The following DNM3 variants were observed in gnomAD, a reference collection of about 807,000 sequenced individuals.
DNM3 encodes the protein dynamin-3.
In DNM3, 47 loss-of-function variants were observed where a neutral mutation model predicts 101.6. That is an observed-to-expected ratio of 0.46 (90% CI 0.37 to 0.59). The LOEUF is 0.59. DNM3 is among the 20% of genes least tolerant of loss of function. DNM3 has a pLI of 0.00. For missense variants in DNM3, 849 were observed against 1,085.7 expected (o/e 0.78, Z 3.06); for synonymous variants, 385 against 387.9 (o/e 0.99, Z 0.09).
At chr1:172,284,326 T>C (rs2063613209) in intron 15 of DNM3, among the ~76,000 whole-genome samples, 1 of 152,210 alleles carries the variant, frequency 6.6e-6, no homozygotes, top group African/African-American at 2.4e-5. Context: ...AGATGTCTGT[T>C]TTTTGTTTTG....
rs199615795 is a variant in DNM3 at position 172,099,868 on chromosome 1, T to TA, written c.1545+6994dup. On this transcript the variant is annotated intron_variant, in intron 13 of 20. Coordinates refer to ENST00000627582, the MANE Select transcript of DNM3 (RefSeq NM_015569.5). The stretch of plus-strand genomic sequence containing the variant: ...GAACATTGTCTTCGGAAGGTGTGAG[T>TA]AGCTGAAAACAAATGGGGATGAAAT... Among the ~76,000 whole-genome samples the TA allele has an allele frequency of 7.3e-3, 1,114 of 152,214 alleles. 21 individuals carry two copies. The highest frequency in any genetic ancestry group is 0.026 in the African/African-American group (1,062 of 41,536).
At chr1:172,071,894 T>G (rs2052223803) in intron 11 of DNM3, among the ~76,000 whole-genome samples, 2 of 152,002 alleles carry the variant, frequency 1.3e-5, no homozygotes, top group African/African-American at 4.8e-5. Context: ...GAGAAAAAAA[T>G]GGATTATTTT....
intron 11 of DNM3, among the ~76,000 whole-genome samples, chr1:172,074,495 T>A (rs753326189): frequency 6.6e-6 from 1 of 151,680 alleles, no homozygotes; most frequent in Non-Finnish European, 1.5e-5. Context: ...GGCCCTGGTG[T>A]GTGATGCTCC....
chr1:172,175,677 T>C (rs2059130834), intron 14 of DNM3, among the ~76,000 whole-genome samples: 1 of 151,754 alleles, frequency 6.6e-6, no homozygotes, highest in South Asian at 2.1e-4. Flanking sequence ...GGAGCTAAGG[T>C]GCACTTTTGG....
chr1:172,000,939 G>T (rs911255008), intron 4 of DNM3, among the ~76,000 whole-genome samples: 5 of 151,996 alleles, frequency 3.3e-5, no homozygotes, highest in African/African-American at 1.2e-4. Context: ...TTTGTGTTTT[G>T]ATGGAAATGA....
At chr1:171,940,519 C>T (rs1410878112) in intron 2 of DNM3, among the ~76,000 whole-genome samples, 1 of 152,112 alleles carries the variant, frequency 6.6e-6, no homozygotes, top group Non-Finnish European at 1.5e-5. Context: ...GGGATTGTTT[C>T]CCTCAGTTAG....
At chr1:172,268,210 G>T (rs948818984) in intron 15 of DNM3, among the ~76,000 whole-genome samples, 6 of 151,428 alleles carry the variant, frequency 4.0e-5, no homozygotes, top group African/African-American at 1.5e-4. Flanking sequence ...TATAAATCTG[G>T]AAAGATAAAC....
chr1:172,085,008 A>G (rs532270354), intron 12 of DNM3, among the ~76,000 whole-genome samples: 1 of 152,292 alleles, frequency 6.6e-6, no homozygotes, highest in African/African-American at 2.4e-5. Context: ...TTATACTGTC[A>G]TGTTTAATAT....
At chr1:171,928,904 C>G (rs1295296809) in intron 2 of DNM3, among the ~76,000 whole-genome samples, 1 of 152,188 alleles carries the variant, frequency 6.6e-6, no homozygotes, top group Non-Finnish European at 1.5e-5. Flanking sequence ...TTTCTAGTAC[C>G]TGGAGGTATC....
chr1:172,381,685 A>T (rs1206950072), intron 18 of DNM3, among the ~76,000 whole-genome samples: 3 of 152,094 alleles, frequency 2.0e-5, no homozygotes, highest in Non-Finnish European at 2.9e-5. Flanking sequence ...TGCCATCTAG[A>T]TGTATTGATT....
intron 17 of DNM3, among the ~76,000 whole-genome samples, chr1:172,377,056 T>A (rs1388420865): frequency 6.6e-6 from 1 of 152,092 alleles, no homozygotes; most frequent in Admixed American, 6.6e-5. Flanking sequence ...AACAAGTTAT[T>A]TATTCTGCTT....
chr1:172,110,792 T>C (rs1302866621), intron 13 of DNM3, among the ~76,000 whole-genome samples: 1 of 152,188 alleles, frequency 6.6e-6, no homozygotes, highest in Admixed American at 6.5e-5. Flanking sequence ...TCCTAGCACT[T>C]TGAAAGGGTG....
chr1:172,059,431 A>T (rs2050959695), intron 10 of DNM3, among the ~76,000 whole-genome samples: 1 of 116,164 alleles, frequency 8.6e-6, no homozygotes, highest in Non-Finnish European at 1.7e-5. Flanking sequence ...ATGAACATTG[A>T]TGCAAAAATC....
rs57471945 is a variant in DNM3 at position 171,883,416 on chromosome 1, CT to C, written c.162-38331del. Among the ~76,000 whole-genome samples, 138 of 48,264 alleles carry C rather than the reference CT, an allele frequency of 2.9e-3. 3 individuals are homozygous for C. The highest frequency in any genetic ancestry group is 6.9e-3 in the African/African-American group (88 of 12,832). The allele number at this position is 48,264 out of a possible 152,430, so 31.7% of individuals were successfully genotyped here. A position where few individuals can be genotyped will look rare whatever the true frequency, so the allele number is the denominator to read the frequency against. Reference sequence around the variant, plus strand: ...ACACACACACACACACACACACACCCTGTCAGAATGAATACCATCAATCTAT... The same window carrying C: ...ACACACACACACACACACACACACCCGTCAGAATGAATACCATCAATCTAT... On this transcript the variant is annotated intron_variant, in intron 1 of 20. Coordinates refer to ENST00000627582, the MANE Select transcript of DNM3 (RefSeq NM_015569.5).
chr1:171,901,062 G>A (rs1202156288), intron 1 of DNM3, among the ~76,000 whole-genome samples: 1 of 143,154 alleles, frequency 7.0e-6, no homozygotes, highest in African/African-American at 2.6e-5. Context: ...GCAGTGAGCC[G>A]AGAGCGCGCC....
intron 2 of DNM3, among the ~76,000 whole-genome samples, chr1:171,976,711 G>A (rs2044400267): frequency 1.3e-5 from 2 of 152,286 alleles, no homozygotes; most frequent in African/African-American, 4.8e-5. Flanking sequence ...GGCAACTTGT[G>A]TATAAAATTA....
At chr1:172,136,472 A>C (rs1013864766) in intron 14 of DNM3, 4 of 152,134 alleles carry the variant, frequency 2.6e-5, no homozygotes, top group Non-Finnish European at 5.9e-5. Context: ...CTCCTTCGTT[A>C]AGTTATTTAG....
At chr1:172,214,282 A>T (rs2060615762) in intron 14 of DNM3, among the ~76,000 whole-genome samples, 1 of 152,110 alleles carries the variant, frequency 6.6e-6, no homozygotes, top group South Asian at 2.1e-4. Context: ...TACTTGTTTA[A>T]CTATTGCTGT....
At chr1:172,043,189 G>A (rs1208691549) in intron 8 of DNM3, among the ~76,000 whole-genome samples, 12 of 152,084 alleles carry the variant, frequency 7.9e-5, no homozygotes, top group Admixed American at 3.3e-4. Flanking sequence ...CTAGGGCTTC[G>A]ATTGAAATGG....
Sources: gnomAD v4.1 joint callset for allele counts (sites outside exome capture counted in the v4.1 genomes callset) on GRCh38, gnomAD v4.1.1 for gene constraint, MANE v1.5 for transcripts, NCBI Gene and HGNC (gene_info 2026-07-23, HGNC 2026-07-21) for gene names.